SH3TC1: variants seen among roughly 807,000 people sequenced by gnomAD.
SH3TC1 encodes SH3 domain and tetratricopeptide repeats 1, also known as SH3 domain and tetratricopeptide repeat-containing protein 1.
Under a neutral mutation model 117.3 loss-of-function variants are expected in SH3TC1, and 135 were observed. The ratio of observed to expected loss-of-function variants is 1.15; its 90% confidence interval spans 1.00 to 1.33. The LOEUF is 1.33. SH3TC1 is among the 40% of genes most tolerant of loss of function. SH3TC1 has a pLI of 0.00. For synonymous variants in SH3TC1, 898 were observed against 816.9 expected, an observed-to-expected ratio of 1.10 and a Z score of -1.69; for missense variants, 2,092 against 1,794.3, an observed-to-expected ratio of 1.17 and a Z score of -3.00.
At chr4:8,196,630 C>T (rs1187515704), upstream of SH3TC1, among the ~76,000 whole-genome samples, 1 of 152,134 alleles carries the variant, frequency 6.6e-6, no homozygotes, top group African/African-American at 2.4e-5. This position sits in a 1 kb window ranked among gnomAD's most constrained non-coding sequence, Gnocchi z 4.6. Flanking sequence ...GAAGCATTAC[C>T]CAGTCCCCTG....
upstream of SH3TC1, among the ~76,000 whole-genome samples, chr4:8,196,076 G>A (rs1578640018): frequency 6.6e-6 from 1 of 152,262 alleles, no homozygotes; most frequent in Admixed American, 6.5e-5. The surrounding 1 kb of genome is among the most constrained non-coding windows in gnomAD (Gnocchi z 4.6). Context: ...CCAAGGCTGC[G>A]GAGAGGACCC....
chr4:8,212,485 G>A (rs373850324), intron 3 of SH3TC1, among the ~76,000 whole-genome samples: 13 of 152,330 alleles, frequency 8.5e-5, no homozygotes, highest in South Asian at 2.1e-4. Context: ...CACTCACCCC[G>A]AAAGAAACAG....
At chr4:8,238,212 C>T (rs560983454) in intron 17 of SH3TC1, among the ~76,000 whole-genome samples, 10 of 152,214 alleles carry the variant, frequency 6.6e-5, no homozygotes, top group South Asian at 2.1e-4. Context: ...GGGGCGGGGC[C>T]GGTGTCTTAC....
In SH3TC1 at chr4:8,222,939, G is replaced by C; in HGVS notation, c.1212G>C (p.Ser404=). 6.2e-7 allele frequency: 1 copy of C among 1,612,660 alleles called. No individual in the cohort carries two copies. Among genetic ancestry groups the C allele is most frequent in the Non-Finnish European group, 8.5e-7 (1 of 1,179,780 alleles). Residue 404 remains serine (S), a synonymous_variant, in exon 10 of 18, where the codon TCG becomes TCC. Transcript: ENST00000245105. ...CCAGGCAGTTGCTGAGGCGGATGTC[G>C]GGCACCGATGTCTGCAGCGTGTACA... is the stretch of plus-strand genomic sequence containing the variant. The part of the protein sequence containing the change: ...EDARQLLRRM[S]GTDVCSVYSL...
chr4:8,215,664 G>A (rs139674091), intron 5 of SH3TC1, among the ~76,000 whole-genome samples: 29 of 152,312 alleles, frequency 1.9e-4, no homozygotes, highest in African/African-American at 6.5e-4. Context: ...CCAGACGAGA[G>A]GGGGGAGCTC....
At chr4:8,219,261 G>A (rs529465819) in intron 8 of SH3TC1, 74 bp from the exon 9 acceptor site, 20 of 1,417,834 alleles carry the variant, frequency 1.4e-5, no homozygotes, top group Non-Finnish European at 1.9e-5. Flanking sequence ...CAGGGTGGCT[G>A]GCATCGGCCC....
At position 8,227,866 on chromosome 4, in the gene SH3TC1, C is replaced by T. The variant is rs1294065931; in HGVS notation, c.2172C>T (p.His724=). 1.2e-6 allele frequency: 2 copies of T among 1,612,736 alleles called. No homozygotes were observed. The highest frequency in any genetic ancestry group is 1.7e-6 in the Non-Finnish European group (2 of 1,179,988). The part of the protein sequence containing the change: ...ADIYSRKCLP[H]LVLSCVKVAS... ...TCTACAGCCGCAAGTGCCTGCCCCA[C>T]CTGGTGCTGAGCTGTGTCAAGGTGG... The change falls in exon 12 of 18, where the codon CAC becomes CAT. Residue 724 remains histidine, a synonymous_variant. Transcript: ENST00000245105.
At chr4:8,219,267 G>A (rs1043245067) in intron 8 of SH3TC1, 68 bp from the exon 9 acceptor site, 33 of 1,449,218 alleles carry the variant, frequency 2.3e-5, no homozygotes, top group African/African-American at 8.6e-5. Context: ...GGCTGGCATC[G>A]GCCCTGTCTG....
chr4:8,227,021 T>C lies in SH3TC1; in HGVS notation c.1327T>C (p.Leu443=). 1.3e-6 allele frequency: 2 copies of C among 1,570,214 alleles called. No individual in the cohort carries two copies. The highest frequency in any genetic ancestry group is 1.2e-5 in the South Asian group (1 of 85,714). ...CCTGAGCCTGGAGCCACAGGAGACCTTGCAGAAGGTGAAGAATGTTCTGGA... is the reference window on the plus strand; with the variant it reads ...CCTGAGCCTGGAGCCACAGGAGACCCTGCAGAAGGTGAAGAATGTTCTGGA... ...PCLSLEPQET[L]QKVKNVLEQC... The change falls in exon 12 of 18, where the codon TTG becomes CTG. Residue 443 remains leucine (L), a synonymous_variant. Coordinates refer to ENST00000245105, the MANE Select transcript of SH3TC1 (RefSeq NM_018986.5).
Position 8,190,556 on chromosome 4 carries a change from C to T in SH3TC1, c.-57+8346C>T, listed in dbSNP as rs1235973060. ...CCTGCTGTGTGCCCTCATCTGGGACCTTCTCCTCTGTGCACTCTCTCGGTC... is the reference window on the plus strand; with the variant it reads ...CCTGCTGTGTGCCCTCATCTGGGACTTTCTCCTCTGTGCACTCTCTCGGTC... On this transcript the variant is annotated intron_variant, in intron 1 of 16. Transcript: ENST00000508641. The surrounding 1 kb of genome is among the most constrained non-coding windows in gnomAD (Gnocchi z 4.7). Among the ~76,000 whole-genome samples, 1 of 151,600 alleles carries T rather than the reference C, an allele frequency of 6.6e-6. No individual in the cohort carries two copies. Among genetic ancestry groups the T allele is most frequent in the African/African-American group, 2.4e-5 (1 of 41,232 alleles).
chr4:8,193,203 C>T (rs1024450189), intron 1 of SH3TC1, among the ~76,000 whole-genome samples: 1 of 152,202 alleles, frequency 6.6e-6, no homozygotes, highest in Admixed American at 6.5e-5. Flanking sequence ...GAGGCTCCTG[C>T]GCGCCTGTTT....
chr4:8,217,930 G>T (rs1719453636), intron 7 of SH3TC1, among the ~76,000 whole-genome samples: 1 of 152,228 alleles, frequency 6.6e-6, no homozygotes, highest in Non-Finnish European at 1.5e-5. Context: ...CAGAGCCCCA[G>T]GCTGGGATCT....
Position 8,205,349 on chromosome 4 carries a change from A to G in SH3TC1, c.155A>G (p.Lys52Arg), listed in dbSNP as rs751861944. 2 of 1,548,778 alleles carry G rather than the reference A, an allele frequency of 1.3e-6. No homozygotes were observed. Among genetic ancestry groups the G allele is most frequent in the East Asian group, 4.9e-5 (2 of 40,908 alleles). The change falls in exon 2 of 18, where the codon AAG becomes AGG. Residue 52 changes from lysine (K) to arginine (R), a missense_variant. By Grantham distance (26) the Lys-to-Arg change is conservative. Transcript: ENST00000245105. The surrounding 1 kb of genome is among the most constrained non-coding windows in gnomAD (Gnocchi z 5.4). Reference sequence around the variant, plus strand: ...GAGAAAGCGGGGCCCGAGGAGGCCAAGGCGCCAGTGAGAGGCGGTGAGTTC... The same window carrying G: ...GAGAAAGCGGGGCCCGAGGAGGCCAGGGCGCCAGTGAGAGGCGGTGAGTTC... ...SWEKAGPEEA[K>R]APVRGDEAPP...
intron 14 of SH3TC1, among the ~76,000 whole-genome samples, chr4:8,234,604 C>T (rs1290349172): frequency 1.3e-5 from 2 of 152,114 alleles, no homozygotes; most frequent in Non-Finnish European, 2.9e-5. Context: ...TCCATCCATC[C>T]ATGTACCTAT....
At position 8,187,559 on chromosome 4, in the gene SH3TC1, T is replaced by C. The variant is rs541708190; in HGVS notation, c.-57+5349T>C. Among the ~76,000 whole-genome samples, 10 of 151,644 alleles carry C rather than the reference T, an allele frequency of 6.6e-5. No individual in the cohort carries two copies. The South Asian group carries it at 1.0e-3, about 16-fold the overall frequency. Reference sequence around the variant, plus strand: ...TATTTGTTTTCTTTTCTTTTCTTTTTTTTTTTTTTTGGAGATGGAGTCTTG... The same window carrying C: ...TATTTGTTTTCTTTTCTTTTCTTTTCTTTTTTTTTTGGAGATGGAGTCTTG... On this transcript the variant is annotated intron_variant, in intron 1 of 16. Transcript: ENST00000508641.
chr4:8,205,841 T>G lies in SH3TC1; in HGVS notation c.172+475T>G, dbSNP rs1249229323. 1.7e-6 allele frequency: 1 copy of G among 593,840 alleles called. No individual in the cohort carries two copies. The highest frequency in any genetic ancestry group is 3.0e-6 in the Non-Finnish European group (1 of 333,036). The allele number at this position is 593,840 out of a possible 1,614,324, so 36.8% of individuals were successfully genotyped here. On this transcript the variant is annotated intron_variant, in intron 2 of 17. Coordinates refer to ENST00000245105, the MANE Select transcript of SH3TC1 (RefSeq NM_018986.5). This position sits in a 1 kb window ranked among gnomAD's most constrained non-coding sequence, Gnocchi z 5.4. ...CAGTTTCCTGAATTCCCGGGAGACCTGAAGAGTGACCTAGGTGATCTCCAG... is the reference window on the plus strand; with the variant it reads ...CAGTTTCCTGAATTCCCGGGAGACCGGAAGAGTGACCTAGGTGATCTCCAG...
rs146957918 is a variant in SH3TC1, at chr4:8,208,828, C to T, written c.173-920C>T. Among the ~76,000 whole-genome samples the T allele has an allele frequency of 2.2e-3, 328 of 152,370 alleles. 1 individual carries two copies. The highest frequency in any genetic ancestry group is 4.0e-3 in the Non-Finnish European group (273 of 68,044). On this transcript the variant is annotated intron_variant, in intron 2 of 17. Coordinates refer to ENST00000245105, the MANE Select transcript of SH3TC1 (RefSeq NM_018986.5). ...ACCGTCCCAATGCAAGGCCCAAGACCACTGTGGCTGTGCGGCGCCCAGGGC... is the reference window on the plus strand; with the variant it reads ...ACCGTCCCAATGCAAGGCCCAAGACTACTGTGGCTGTGCGGCGCCCAGGGC...
intron 9 of SH3TC1, 124 bp from the exon 10 acceptor site, chr4:8,222,716 C>T: frequency 4.9e-6 from 6 of 1,230,016 alleles, no homozygotes; most frequent in South Asian, 4.4e-5. Context: ...CTGTCTCTAC[C>T]CCTGGGCAGA....
At chr4:8,188,978 T>G (rs969060914) in intron 1 of SH3TC1, among the ~76,000 whole-genome samples, 1 of 152,174 alleles carries the variant, frequency 6.6e-6, no homozygotes, top group African/African-American at 2.4e-5. Flanking sequence ...GCGGGAGAGC[T>G]CAAACCTCAC....
Sources: allele counts gnomAD v4.1 joint callset (sites outside exome capture counted in the v4.1 genomes callset), GRCh38; gene constraint gnomAD v4.1.1; non-coding constraint Gnocchi (gnomAD v3.1); transcripts MANE v1.5; gene names NCBI Gene and HGNC (gene_info 2026-07-23, HGNC 2026-07-21).